SLC25A21: variants seen among roughly 807,000 people sequenced by gnomAD.
The protein encoded by SLC25A21 is solute carrier family 25 member 21, also known as mitochondrial 2-oxodicarboxylate carrier.
In SLC25A21, 47 loss-of-function variants were observed where a neutral mutation model predicts 43.8. That is an observed-to-expected ratio of 1.07 (90% CI 0.85 to 1.37). The LOEUF (loss-of-function observed/expected upper bound fraction) is 1.37, where lower values mean the gene tolerates loss of function less well. SLC25A21 is among the 40% of genes most tolerant of loss of function. The probability of loss-of-function intolerance (pLI) is 0.00; values close to 1 mark genes in which losing one functional copy is unlikely to be tolerated. For synonymous variants in SLC25A21, 131 were observed against 121.3 expected, an observed-to-expected ratio of 1.08 and a Z score of -0.52; for missense variants, 352 against 350.2, an observed-to-expected ratio of 1.00 and a Z score of -0.04.
At position 36,784,864 on chromosome 14, in the gene SLC25A21, G is replaced by A. The variant is rs182787933; in HGVS notation, c.203+29054C>T. ...ATAAGGAGAACCCAGGATTGTGTACGCTTACCATACTATATATATTTGGCA... is the reference window on the plus strand; with the variant it reads ...ATAAGGAGAACCCAGGATTGTGTACACTTACCATACTATATATATTTGGCA... On this transcript the variant is annotated intron_variant, in intron 3 of 9. Transcript: ENST00000331299. Among the ~76,000 whole-genome samples, 357 of 152,260 alleles carry A rather than the reference G, an allele frequency of 2.3e-3. 4 individuals carry two copies. Among genetic ancestry groups the A allele is most frequent in the Non-Finnish European group, 2.6e-3 (177 of 68,002 alleles).
chr14:36,917,658 A>G (rs1383928040), intron 1 of SLC25A21, among the ~76,000 whole-genome samples: 1 of 152,186 alleles, frequency 6.6e-6, no homozygotes, highest in Non-Finnish European at 1.5e-5. Context: ...AGCTACAACA[A>G]TAGGACAAAA....
At chr14:36,820,233 CT>C (rs1259083322) in intron 2 of SLC25A21, among the ~76,000 whole-genome samples, 1 of 152,166 alleles carries the variant, frequency 6.6e-6, no homozygotes, top group African/African-American at 2.4e-5. Context: ...TTCAGCTCTG[CT>C]TTTGGAAACA....
At chr14:36,756,851 G>C (rs1413819391) in intron 3 of SLC25A21, among the ~76,000 whole-genome samples, 1 of 152,116 alleles carries the variant, frequency 6.6e-6, no homozygotes, top group Non-Finnish European at 1.5e-5. Context: ...AAGTGTAAAT[G>C]GGACTTTTTG....
Position 36,679,400 on chromosome 14 carries a change from A to G in SLC25A21, c.*1258T>C, listed in dbSNP as rs1882087111. On this transcript the variant is annotated 3_prime_UTR_variant, in exon 10 of 10. Coordinates refer to ENST00000331299, the MANE Select transcript of SLC25A21 (RefSeq NM_030631.4). Reference sequence around the variant, plus strand: ...TTACTTTTTATTTTCAAAATGCTTTAGTGAAATAGCCCCGTAGTAGAAATA... The same window carrying G: ...TTACTTTTTATTTTCAAAATGCTTTGGTGAAATAGCCCCGTAGTAGAAATA... The G allele has an allele frequency of 3.1e-6, 3 of 981,964 alleles. 1 individual carries two copies. The South Asian group carries it at 1.4e-4, about 46-fold the overall frequency. The allele number at this position is 981,964 out of a possible 1,614,324, so 60.8% of individuals were successfully genotyped here.
At chr14:37,164,051 A>G (rs905765048) in intron 1 of SLC25A21, among the ~76,000 whole-genome samples, 33 of 152,312 alleles carry the variant, frequency 2.2e-4, no homozygotes, top group African/African-American at 7.7e-4. Context: ...TGGTTTAACC[A>G]CATGTTTTTA....
At chr14:37,171,578 T>C (rs936534260) in intron 1 of SLC25A21, among the ~76,000 whole-genome samples, 2 of 152,210 alleles carry the variant, frequency 1.3e-5, no homozygotes, top group Non-Finnish European at 2.9e-5. Context: ...TATTTTAAAA[T>C]AGCTTTAAAA....
intron 2 of SLC25A21, among the ~76,000 whole-genome samples, chr14:36,868,367 C>T (rs1890271935): frequency 6.6e-6 from 1 of 152,152 alleles, no homozygotes; most frequent in Non-Finnish European, 1.5e-5. Flanking sequence ...GACCTTGATT[C>T]TACATAACTG....
At chr14:37,044,418 G>A (rs1201458517) in intron 1 of SLC25A21, among the ~76,000 whole-genome samples, 2 of 151,826 alleles carry the variant, frequency 1.3e-5, no homozygotes, top group African/African-American at 4.8e-5. Context: ...AACTAATAGT[G>A]GACTATTCTT....
At chr14:36,795,841 G>C (rs1442391809) in intron 3 of SLC25A21, among the ~76,000 whole-genome samples, 1 of 152,154 alleles carries the variant, frequency 6.6e-6, no homozygotes, top group Admixed American at 6.5e-5. Flanking sequence ...ACTCTAAGCT[G>C]TGCCTGAAAA....
intron 1 of SLC25A21, among the ~76,000 whole-genome samples, chr14:37,034,600 T>C (rs1409324487): frequency 6.6e-6 from 1 of 152,192 alleles, no homozygotes; most frequent in Non-Finnish European, 1.5e-5. Context: ...GCCTGGTACA[T>C]GTGGAGGTCA....
chr14:37,027,490 A>G (rs1961117914), intron 1 of SLC25A21, among the ~76,000 whole-genome samples: 1 of 152,158 alleles, frequency 6.6e-6, no homozygotes, highest in Non-Finnish European at 1.5e-5. Context: ...TTTTAAGGGC[A>G]GTGGGAAGGA....
intron 1 of SLC25A21, among the ~76,000 whole-genome samples, chr14:36,997,659 T>C (rs940368330): frequency 6.6e-6 from 1 of 151,974 alleles, no homozygotes; most frequent in African/African-American, 2.4e-5. Context: ...TGAAATCCCA[T>C]CTCTACAAAA....
intron 3 of SLC25A21, among the ~76,000 whole-genome samples, chr14:36,762,249 G>A (rs1262279242): frequency 1.3e-5 from 2 of 152,182 alleles, no homozygotes; most frequent in Admixed American, 6.5e-5. Context: ...CAGGCACTGG[G>A]TTAGTTGTTT....
At chr14:37,168,582 C>T (rs563219335) in intron 1 of SLC25A21, among the ~76,000 whole-genome samples, 38 of 151,630 alleles carry the variant, frequency 2.5e-4, no homozygotes, top group Admixed American at 9.2e-4. Flanking sequence ...TTGATTGGTA[C>T]AGAGGTGGGC....
At chr14:37,009,150 T>G (rs971147014) in intron 1 of SLC25A21, among the ~76,000 whole-genome samples, 10 of 152,198 alleles carry the variant, frequency 6.6e-5, no homozygotes, top group Admixed American at 6.5e-4. Flanking sequence ...TTCATTTATC[T>G]TATTAATAGG....
intron 1 of SLC25A21, 186 bp downstream of exon 1, chr14:37,172,095 T>C (rs1288087972): frequency 4.9e-6 from 3 of 610,556 alleles, no homozygotes; most frequent in South Asian, 5.0e-5. Flanking sequence ...GGGCACCCAC[T>C]ACTCGCAATC....
intron 1 of SLC25A21, among the ~76,000 whole-genome samples, chr14:37,051,551 C>T (rs1961706362): frequency 6.6e-6 from 1 of 152,198 alleles, no homozygotes; most frequent in Admixed American, 6.5e-5. Context: ...ACAGATGGCA[C>T]AGGCAACTTG....
chr14:36,810,888 T>C (rs933651554), intron 3 of SLC25A21, among the ~76,000 whole-genome samples: 5 of 93,254 alleles, frequency 5.4e-5, no homozygotes, highest in African/African-American at 1.7e-4. Context: ...AAGAAAAGAG[T>C]GGGGGAAATA....
intron 1 of SLC25A21, among the ~76,000 whole-genome samples, chr14:37,078,166 T>C (rs980812025): frequency 3.9e-5 from 6 of 152,192 alleles, no homozygotes; most frequent in South Asian, 2.1e-4. Flanking sequence ...TGGCTTCTTA[T>C]GAAGCTGGTT....
Sources: gnomAD v4.1 joint callset for allele counts (sites outside exome capture counted in the v4.1 genomes callset) on GRCh38, gnomAD v4.1.1 for gene constraint, MANE v1.5 for transcripts, NCBI Gene and HGNC (gene_info 2026-07-23, HGNC 2026-07-21) for gene names.